ZNF550: variants seen among roughly 807,000 people sequenced by gnomAD.
ZNF550 encodes zinc finger protein 550.
In ZNF550, 42 loss-of-function variants were observed where a neutral mutation model predicts 40.2. That is an observed-to-expected ratio of 1.05 (90% CI 0.82 to 1.35). ZNF550 has a LOEUF of 1.35. ZNF550 is among the 40% of genes most tolerant of loss of function. The pLI is 0.00. For synonymous variants in ZNF550, 223 were observed against 198.6 expected (o/e 1.12, Z -1.03); for missense variants, 549 against 525.2 (o/e 1.05, Z -0.44).
intron 4 of ZNF550, chr19:57,543,450 G>A (rs150541910): frequency 3.3e-4 from 102 of 310,030 alleles, no homozygotes; most frequent in East Asian, 2.4e-3. Context: ...TTGCATGACC[G>A]ACTTGCCGAG....
intron 3 of ZNF550, among the ~76,000 whole-genome samples, chr19:57,551,832 AATGTC>A (rs2090075181): frequency 6.6e-6 from 1 of 152,214 alleles, no homozygotes; most frequent in Non-Finnish European, 1.5e-5. Context: ...GAGAAGGCCA[AATGTC>A]ACCTTGGTGT....
chr19:57,559,634 G>A lies in ZNF550; in HGVS notation c.27+22C>T, dbSNP rs555245085. On this transcript the variant is annotated intron_variant, in intron 1 of 4. Coordinates refer to ENST00000457177, the Ensembl canonical transcript of ZNF550. ...GGACACTGAGGCCGGGTGGCCGCGG[G>A]GAGCCGAGCCAGTCTGCTCACCTGC... The A allele has an allele frequency of 1.3e-5, 19 of 1,474,120 alleles. No individual in the cohort carries two copies. The East Asian group carries it at 4.4e-4, about 34-fold the overall frequency. The allele number at this position is 1,474,120 out of a possible 1,614,324, so 91.3% of individuals were successfully genotyped here.
chr19:57,552,791 A>G (rs1027317671), intron 2 of ZNF550, 69 bp from the exon 3 acceptor site: 25 of 1,205,528 alleles, frequency 2.1e-5, no homozygotes, highest in Non-Finnish European at 2.7e-5. Flanking sequence ...CATCTTGCCT[A>G]GGACTTCATG....
chr19:57,547,122 G>T (rs1198432826), exon 4 of ZNF550: 2 of 1,612,358 alleles, frequency 1.2e-6, no homozygotes, highest in Non-Finnish European at 1.7e-6. Flanking sequence ...TCCCACACTG[G>T]GTGCATTCAT....
exon 1 of ZNF550, chr19:57,559,716 G>A (rs1329780977): frequency 6.9e-7 from 1 of 1,450,080 alleles, no homozygotes; most frequent in East Asian, 2.7e-5. Flanking sequence ...GCGTGGGGCA[G>A]CTCCCACGGG....
chr19:57,549,464 T>G (rs571744534), intron 3 of ZNF550, among the ~76,000 whole-genome samples: 34 of 151,740 alleles, frequency 2.2e-4, no homozygotes, highest in African/African-American at 6.5e-4. Context: ...AAAAGAAAAA[T>G]AAAAATAAAT....
chr19:57,549,250 T>C (rs1324351872), intron 3 of ZNF550, among the ~76,000 whole-genome samples: 1 of 152,136 alleles, frequency 6.6e-6, no homozygotes, highest in Admixed American at 6.5e-5. Context: ...TATTATGCAT[T>C]GTATGCCTAT....
intron 3 of ZNF550, among the ~76,000 whole-genome samples, chr19:57,549,496 A>G (rs964624603): frequency 2.0e-5 from 3 of 152,248 alleles, no homozygotes; most frequent in South Asian, 2.1e-4. Context: ...GTGCTATAAG[A>G]GTTTAGGGAA....
intron 3 of ZNF550, among the ~76,000 whole-genome samples, chr19:57,548,725 G>A (rs1269856967): frequency 1.3e-5 from 2 of 152,100 alleles, no homozygotes; most frequent in African/African-American, 4.8e-5. Context: ...CCCAGTGGAG[G>A]TATATACCCA....
exon 4 of ZNF550, chr19:57,546,951 A>G: frequency 6.3e-7 from 1 of 1,584,708 alleles, no homozygotes; most frequent in Non-Finnish European, 8.6e-7. Flanking sequence ...GCCTTGCTGT[A>G]TTCATTGCAG....
At chr19:57,547,034 A>T in exon 4 of ZNF550, 1 of 1,613,728 alleles carries the variant, frequency 6.2e-7, no homozygotes, top group Non-Finnish European at 8.5e-7. Flanking sequence ...GCCTTCCCAC[A>T]CTCGATACAC....
At chr19:57,556,284 C>T in exon 2 of ZNF550, 1 of 1,614,122 alleles carries the variant, frequency 6.2e-7, no homozygotes, top group Non-Finnish European at 8.5e-7. Context: ...GTACAGGGTC[C>T]TCTGGGCCAG....
chr19:57,548,095 TATG>T, intron 3 of ZNF550, 102 bp from the exon 4 acceptor site: 1 of 1,083,182 alleles, frequency 9.2e-7, no homozygotes. Flanking sequence ...AAATAGTGCC[TATG>T]ATACTTGCTG....
chr19:57,552,952 C>T, intron 2 of ZNF550: 1 of 473,598 alleles, frequency 2.1e-6, no homozygotes, highest in South Asian at 4.1e-5. Flanking sequence ...TATATGGAGA[C>T]AGGATCTTTA....
chr19:57,552,839 A>T (rs1001945117), intron 2 of ZNF550, 117 bp from the exon 3 acceptor site: 3 of 694,750 alleles, frequency 4.3e-6, no homozygotes, highest in Non-Finnish European at 2.4e-6. Context: ...TCCCAAAGTA[A>T]GCAAAATGCT....
intron 1 of ZNF550, among the ~76,000 whole-genome samples, chr19:57,558,323 G>A (rs1355266928): frequency 6.6e-6 from 1 of 152,196 alleles, no homozygotes; most frequent in Non-Finnish European, 1.5e-5. Flanking sequence ...AGTGAGAAAG[G>A]GGACAATGGA....
chr19:57,547,527 G>C (rs1024114153), exon 4 of ZNF550: 19 of 1,614,204 alleles, frequency 1.2e-5, no homozygotes, highest in Non-Finnish European at 1.6e-5. Flanking sequence ...TCTGGCTAAA[G>C]GCTTTCCCAC....
intron 4 of ZNF550, chr19:57,543,494 T>G (rs750704082): frequency 2.0e-6 from 1 of 495,418 alleles, no homozygotes; most frequent in Non-Finnish European, 2.6e-6. Context: ...CTGTGACATT[T>G]ACTGATTGAA....
chr19:57,559,274 A>AAG (rs2090149005), intron 1 of ZNF550, among the ~76,000 whole-genome samples: 3 of 152,072 alleles, frequency 2.0e-5, no homozygotes, highest in Non-Finnish European at 4.4e-5. Context: ...CGGGGGGGGG[A>AAG]AGAGTAAATA....
Sources: gnomAD v4.1 joint callset for allele counts (sites outside exome capture counted in the v4.1 genomes callset) on GRCh38, gnomAD v4.1.1 for gene constraint, MANE v1.5 for transcripts, NCBI Gene and HGNC (gene_info 2026-07-23, HGNC 2026-07-21) for gene names.